SLIT3: variants seen among roughly 807,000 people sequenced by gnomAD.
SLIT3 encodes slit guidance ligand 3.
A neutral mutation model predicts 184.0 loss-of-function variants in SLIT3; 68 were observed. That is an observed-to-expected ratio of 0.37 (90% confidence interval 0.30 to 0.45). The LOEUF is 0.45. Ranked by LOEUF, SLIT3 falls within the 20% of genes least tolerant of loss-of-function variation. SLIT3 has a pLI of 1.00. For missense variants in SLIT3, 1,707 were observed against 2,026.0 expected, an observed-to-expected ratio of 0.84 and a Z score of 3.02; for synonymous variants, 831 against 828.6, an observed-to-expected ratio of 1.00 and a Z score of -0.05.
chr5:169,251,078 G>A (rs557547912), intron 2 of SLIT3, among the ~76,000 whole-genome samples: 2 of 152,322 alleles, frequency 1.3e-5, no homozygotes, highest in South Asian at 4.1e-4. Flanking sequence ...TGAAAGGGAA[G>A]CATGGTTAGT....
In SLIT3 at chr5:168,806,542, C is replaced by A; in HGVS notation, c.839G>T (p.Cys280Phe). ...ATTGCTGCACGTGCAGGGCGAAGGGCAGGAGATGGAGTTGGCATTGCAGGA... is the reference window on the plus strand; with the variant it reads ...ATTGCTGCACGTGCAGGGCGAAGGGAAGGAGATGGAGTTGGCATTGCAGGA... ...PPSCNANSIS[C>F]PSPCTCSNNI... The change falls in exon 9 of 36, where the codon TGC becomes TTC. Residue 280 changes from cysteine (C) to phenylalanine (F), a missense_variant. Coordinates refer to ENST00000519560, the MANE Select transcript of SLIT3 (RefSeq NM_003062.4). The A allele has an allele frequency of 6.2e-7, 1 of 1,614,178 alleles. No homozygotes were observed. Among genetic ancestry groups the A allele is most frequent in the South Asian group, 1.1e-5 (1 of 91,082 alleles).
intron 4 of SLIT3, among the ~76,000 whole-genome samples, chr5:168,903,560 C>T (rs536973914): frequency 4.1e-4 from 62 of 152,208 alleles, no homozygotes; most frequent in African/African-American, 1.4e-3. Context: ...TCTACCTGCT[C>T]GGGCAAAAAG....
intron 4 of SLIT3, among the ~76,000 whole-genome samples, chr5:168,952,007 C>T (rs554855767): frequency 6.6e-6 from 1 of 152,166 alleles, no homozygotes; most frequent in African/African-American, 2.4e-5. Flanking sequence ...CCCCACCTCG[C>T]CTGGCTGCTC....
intron 3 of SLIT3, among the ~76,000 whole-genome samples, chr5:169,239,813 C>T (rs1479493116): frequency 1.3e-5 from 2 of 151,794 alleles, no homozygotes; most frequent in African/African-American, 4.8e-5. Flanking sequence ...TGTTCTTGCC[C>T]TAACTTTGTA....
At chr5:168,700,538 A>G in intron 27 of SLIT3, 44 bp downstream of exon 27, 1 of 1,347,184 alleles carries the variant, frequency 7.4e-7, no homozygotes. Context: ...TAGCAGTGTG[A>G]GAGCAAACTA....
intron 4 of SLIT3, among the ~76,000 whole-genome samples, chr5:169,111,010 C>G (rs747630406): frequency 6.6e-6 from 1 of 152,218 alleles, no homozygotes; most frequent in Non-Finnish European, 1.5e-5. Context: ...CCTTTGCCCT[C>G]TCTGCAACGG....
intron 4 of SLIT3, among the ~76,000 whole-genome samples, chr5:169,050,748 C>A (rs1042966112): frequency 7.9e-5 from 12 of 151,828 alleles, no homozygotes; most frequent in African/African-American, 2.9e-4. Context: ...CCAACTGTAA[C>A]GTGTAGATTT....
At chr5:168,972,730 G>T (rs1705690539) in intron 4 of SLIT3, among the ~76,000 whole-genome samples, 1 of 152,062 alleles carries the variant, frequency 6.6e-6, no homozygotes, top group Non-Finnish European at 1.5e-5. Context: ...GTCTTCTCTA[G>T]ACTCATACCT....
In SLIT3 at chr5:168,768,400, A is replaced by C. The variant is rs1293410569; in HGVS notation, c.1459+4381T>G. 1.5e-5 allele frequency: 6 copies of C among 402,974 alleles called. No individual in the cohort carries two copies. The East Asian group carries it at 3.1e-4, about 21-fold the overall frequency. 25.0% of individuals were successfully genotyped at this position (402,974 alleles called of 1,614,324 possible). On this transcript the variant is annotated intron_variant, in intron 14 of 35. Coordinates refer to ENST00000519560, the MANE Select transcript of SLIT3 (RefSeq NM_003062.4). ...CCACTGGAACACTTCCGAAGATTGC[A>C]GCCCTGCTGCCCTTGTGCCCCACCC...
intron 23 of SLIT3, among the ~76,000 whole-genome samples, chr5:168,713,385 C>T (rs1762620850): frequency 6.6e-6 from 1 of 152,200 alleles, no homozygotes; most frequent in South Asian, 2.1e-4. Context: ...ATGAACACTG[C>T]TCCGTGCTCA....
At chr5:169,074,342 C>G (rs1758660429) in intron 4 of SLIT3, among the ~76,000 whole-genome samples, 2 of 152,102 alleles carry the variant, frequency 1.3e-5, no homozygotes, top group Admixed American at 6.5e-5. Context: ...CTTAAATCAG[C>G]TAAGTCAGAT....
At chr5:168,740,960 C>T (rs2113429088) in intron 20 of SLIT3, among the ~76,000 whole-genome samples, 1 of 152,306 alleles carries the variant, frequency 6.6e-6, no homozygotes, top group Non-Finnish European at 1.5e-5. Context: ...AGCCCCGTCC[C>T]ATGGCACAGC....
At chr5:168,739,764 T>G (rs76925524) in intron 20 of SLIT3, among the ~76,000 whole-genome samples, 4,730 of 152,232 alleles carry the variant, frequency 0.031, 218 homozygotes, top group African/African-American at 0.1. Flanking sequence ...TTCAAATACA[T>G]TTCTGTGTGA....
At chr5:168,986,687 G>A (rs1295167112) in intron 4 of SLIT3, among the ~76,000 whole-genome samples, 1 of 152,224 alleles carries the variant, frequency 6.6e-6, no homozygotes, top group African/African-American at 2.4e-5. Context: ...CTTGGAGTCA[G>A]AAGGACGTGG....
chr5:169,098,747 C>T (rs529086120), intron 4 of SLIT3, among the ~76,000 whole-genome samples: 41 of 152,284 alleles, frequency 2.7e-4, no homozygotes, highest in African/African-American at 7.5e-4. Flanking sequence ...TCTCCTTTAC[C>T]GGACACAGTC....
In SLIT3 at chr5:168,872,029, C is replaced by A. The variant is rs149130771; in HGVS notation, c.485+11236G>T. 4.6e-5 allele frequency among the ~76,000 whole-genome samples: 7 copies of A among 152,326 alleles called. No homozygotes were observed. The East Asian group carries it at 1.4e-3, about 29-fold the overall frequency. ...TGAAGGAGAGACTTTCACACTCATA[C>A]GCTTCACACTGTGGCTGGGAAGCTG... On this transcript the variant is annotated intron_variant, in intron 5 of 35. Coordinates refer to ENST00000519560, the MANE Select transcript of SLIT3 (RefSeq NM_003062.4).
chr5:169,142,035 G>A (rs1761760640), intron 4 of SLIT3, among the ~76,000 whole-genome samples: 2 of 149,016 alleles, frequency 1.3e-5, no homozygotes, highest in Non-Finnish European at 3.0e-5. Flanking sequence ...GGGCGGCAGA[G>A]CGAGACTCCT....
chr5:169,163,112 G>T (rs553333628), intron 4 of SLIT3, among the ~76,000 whole-genome samples: 1 of 152,194 alleles, frequency 6.6e-6, no homozygotes, highest in Admixed American at 6.5e-5. Context: ...CATGAGGTCA[G>T]GTGTTCGAGA....
At chr5:168,883,014 G>GGC (rs1487048774) in intron 5 of SLIT3, among the ~76,000 whole-genome samples, 9 of 152,168 alleles carry the variant, frequency 5.9e-5, no homozygotes, top group Admixed American at 1.3e-4. Flanking sequence ...GGCTCTGTAG[G>GGC]GCCAGGCTCT....
Sources: allele counts gnomAD v4.1 joint callset (sites outside exome capture counted in the v4.1 genomes callset), GRCh38; gene constraint gnomAD v4.1.1; transcripts MANE v1.5; gene names NCBI Gene and HGNC (gene_info 2026-07-23, HGNC 2026-07-21).